Variants in CSMD1 observed in about 807,000 individuals in gnomAD.
CSMD1 encodes the protein CUB and Sushi multiple domains 1, also known as CUB and sushi domain-containing protein 1.
A neutral mutation model predicts 417.5 loss-of-function variants in CSMD1; 213 were observed. That is an observed-to-expected ratio of 0.51 (90% CI 0.46 to 0.57). The LOEUF (loss-of-function observed/expected upper bound fraction) is 0.57. Ranked by LOEUF, CSMD1 falls within the 20% of genes least tolerant of loss-of-function variation. The pLI is 0.00. For missense variants in CSMD1, 6,923 were observed against 4,529.7 expected (o/e 1.53, Z -15.17); for synonymous variants, 2,862 against 1,736.8 (o/e 1.65, Z -16.11).
In CSMD1 at chr8:4,419,978, G is replaced by C. The variant is rs760142553; in HGVS notation, c.390C>G (p.Ala130=). ...LWFTTDFAVS[A]QGFKALYEVL... ...CTTCATATAATGCTTTGAAACCTTG[G>C]GCACTCACAGCGAAGTCTGTCGTGA... is the stretch of plus-strand genomic sequence containing the variant. The change falls in exon 3 of 70, where the codon GCC becomes GCG. Residue 130 remains alanine (A), a synonymous_variant. Transcript: ENST00000635120. 3 of 1,584,596 alleles carry C rather than the reference G, an allele frequency of 1.9e-6. No individual in the cohort carries two copies. Among genetic ancestry groups the C allele is most frequent in the South Asian group, 1.2e-5 (1 of 86,414 alleles).
At chr8:3,329,639 A>C (rs1312857737) in intron 23 of CSMD1, among the ~76,000 whole-genome samples, 1 of 152,188 alleles carries the variant, frequency 6.6e-6, no homozygotes, top group Non-Finnish European at 1.5e-5. Context: ...GCTACTACAA[A>C]GGTCTGCCTG....
chr8:4,905,775 G>C (rs1278834703), intron 1 of CSMD1, among the ~76,000 whole-genome samples: 4 of 142,042 alleles, frequency 2.8e-5, no homozygotes, highest in East Asian at 2.3e-4. Flanking sequence ...AGCCGAGATT[G>C]TGCCACTGCA....
At chr8:3,452,843 G>C (rs578209210) in intron 12 of CSMD1, among the ~76,000 whole-genome samples, 1 of 152,202 alleles carries the variant, frequency 6.6e-6, no homozygotes. Flanking sequence ...AAATGAGTTA[G>C]GGAGGATTCC....
intron 5 of CSMD1, among the ~76,000 whole-genome samples, chr8:3,823,110 T>C (rs977208323): frequency 1.3e-5 from 2 of 152,208 alleles, no homozygotes; most frequent in Admixed American, 6.5e-5. Context: ...GGCCCTTTCA[T>C]ACAAATGATT....
chr8:3,708,430 G>C lies in CSMD1; in HGVS notation c.993C>G (p.Ser331Arg). 6.2e-7 allele frequency: 1 copy of C among 1,613,800 alleles called. No individual in the cohort carries two copies. The part of the protein sequence containing the change: ...GVKMLPSKDG[S>R]HKNSVLSQGG... Reference sequence around the variant, plus strand: ...GGGACTCACAGACAGAGTTTTTATGGCTTCCATCCTTGCTGGGCAGCATCT... The same window carrying C: ...GGGACTCACAGACAGAGTTTTTATGCCTTCCATCCTTGCTGGGCAGCATCT... The change falls in exon 7 of 70, where the codon AGC becomes AGG. Residue 331 changes from serine to arginine, a missense_variant. Transcript: ENST00000635120.
Position 4,842,345 on chromosome 8 carries a change from T to C in CSMD1, c.85+151987A>G, listed in dbSNP as rs193020926. 3.8e-3 allele frequency among the ~76,000 whole-genome samples: 583 copies of C among 152,360 alleles called. 3 individuals carry two copies. The highest frequency in any genetic ancestry group is 0.013 in the African/African-American group (534 of 41,582). On this transcript the variant is annotated intron_variant, in intron 1 of 69. Coordinates refer to ENST00000635120, the MANE Select transcript of CSMD1 (RefSeq NM_033225.6). ...AATTCTACAATGGACTTTTAATATC[T>C]GACTTTGGCTTAAATTAAAACTTCT...
intron 36 of CSMD1, among the ~76,000 whole-genome samples, chr8:3,187,658 G>A (rs920111688): frequency 6.6e-5 from 10 of 152,026 alleles, no homozygotes; most frequent in African/African-American, 2.4e-4. Context: ...CTTTTAGATT[G>A]GTCTCCTCCT....
chr8:3,883,726 G>C (rs1398220476), intron 5 of CSMD1, among the ~76,000 whole-genome samples: 11 of 152,116 alleles, frequency 7.2e-5, no homozygotes, highest in Middle Eastern at 3.4e-3. Context: ...TGGCTTGAAA[G>C]TGATTCATTG....
intron 57 of CSMD1, 117 bp from the exon 58 acceptor site, chr8:2,966,863 G>T: frequency 3.4e-6 from 3 of 880,934 alleles, no homozygotes; most frequent in Non-Finnish European, 5.3e-6. Flanking sequence ...CAAACCCAAA[G>T]CACACAATCC....
intron 3 of CSMD1, among the ~76,000 whole-genome samples, chr8:4,252,996 C>T (rs1029186457): frequency 5.9e-5 from 9 of 152,176 alleles, no homozygotes; most frequent in Non-Finnish European, 1.2e-4. Context: ...GTTTTAAAGC[C>T]AATGTCGGAT....
intron 1 of CSMD1, among the ~76,000 whole-genome samples, chr8:4,815,944 G>A (rs1325174328): frequency 6.6e-6 from 1 of 152,008 alleles, no homozygotes; most frequent in African/African-American, 2.4e-5. Context: ...TCTGGAAAGT[G>A]GATTAATATT....
At chr8:2,988,122 AT>A (rs1806081591) in intron 54 of CSMD1, among the ~76,000 whole-genome samples, 1 of 152,130 alleles carries the variant, frequency 6.6e-6, no homozygotes, top group Non-Finnish European at 1.5e-5. Context: ...CTATTTTAAC[AT>A]TTTGAGAATA....
At chr8:4,554,827 A>C (rs541947053) in intron 2 of CSMD1, among the ~76,000 whole-genome samples, 1 of 152,270 alleles carries the variant, frequency 6.6e-6, no homozygotes, top group East Asian at 1.9e-4. Context: ...GTATTTTCTG[A>C]GTAAGCATTG....
At chr8:4,252,111 G>A (rs972290222) in intron 3 of CSMD1, among the ~76,000 whole-genome samples, 7 of 152,164 alleles carry the variant, frequency 4.6e-5, no homozygotes, top group Non-Finnish European at 8.8e-5. Flanking sequence ...ACAGGTGGTA[G>A]AGAACTACTG....
At chr8:4,217,505 T>A (rs796182268) in intron 3 of CSMD1, among the ~76,000 whole-genome samples, 1 of 152,196 alleles carries the variant, frequency 6.6e-6, no homozygotes, top group Non-Finnish European at 1.5e-5. Flanking sequence ...GTCCCTGGCA[T>A]CAAGGGGAGG....
At chr8:3,891,309 C>T (rs1387086123) in intron 5 of CSMD1, among the ~76,000 whole-genome samples, 1 of 152,098 alleles carries the variant, frequency 6.6e-6, no homozygotes, top group Admixed American at 6.5e-5. Flanking sequence ...CTCAACCTCC[C>T]AAAGTGCTGG....
chr8:4,280,294 A>G (rs1181930757), intron 3 of CSMD1, among the ~76,000 whole-genome samples: 1 of 152,224 alleles, frequency 6.6e-6, no homozygotes, highest in Non-Finnish European at 1.5e-5. Context: ...ATAATGTAGT[A>G]TATAATAAGC....
At chr8:4,614,432 C>A (rs574080953) in intron 2 of CSMD1, among the ~76,000 whole-genome samples, 4 of 152,234 alleles carry the variant, frequency 2.6e-5, no homozygotes, top group Admixed American at 2.6e-4. Context: ...CCTAAATAAG[C>A]CTCTAACCTT....
chr8:3,447,999 C>T (rs1161224770), intron 12 of CSMD1, among the ~76,000 whole-genome samples: 2 of 152,036 alleles, frequency 1.3e-5, no homozygotes, highest in African/African-American at 2.4e-5. Flanking sequence ...AAATGAGAGT[C>T]CTGATACCAC....
Sources: gnomAD v4.1 joint callset for allele counts (sites outside exome capture counted in the v4.1 genomes callset) on GRCh38, gnomAD v4.1.1 for gene constraint, MANE v1.5 for transcripts, NCBI Gene and HGNC (gene_info 2026-07-23, HGNC 2026-07-21) for gene names.